The following ROBO2 variants were observed in gnomAD, a reference collection of about 807,000 sequenced individuals.
ROBO2 encodes the protein roundabout homolog 2.
ROBO2 carries 53 observed loss-of-function variants against 160.8 expected under a neutral mutation model. The ratio of observed to expected loss-of-function variants is 0.33; its 90% CI spans 0.26 to 0.41. The LOEUF (loss-of-function observed/expected upper bound fraction) is 0.41. Among genes scored for constraint, ROBO2 ranks in the 10% least tolerant of loss-of-function variants. ROBO2 has a pLI of 1.00. For missense variants in ROBO2, 1,577 were observed against 1,722.4 expected, an observed-to-expected ratio of 0.92 and a Z score of 1.49; for synonymous variants, 664 against 611.7, an observed-to-expected ratio of 1.09 and a Z score of -1.26.
intron 2 of ROBO2, among the ~76,000 whole-genome samples, chr3:76,833,959 T>G (rs1390753375): frequency 1.3e-5 from 2 of 151,762 alleles, no homozygotes; most frequent in African/African-American, 4.8e-5. Flanking sequence ...CTTTTCTTCC[T>G]TCCTTTCTTT....
At position 77,317,077 on chromosome 3, in the gene ROBO2, T is replaced by C; in HGVS notation, c.389-160337T>C. On this transcript the variant is annotated intron_variant, in intron 2 of 25. Transcript: ENST00000461745. ...CACAGTAGTGTGAAGCTGGAATTCA[T>C]CAGTCCTGTAGCCAACTGCAAAGTT... 3.5e-6 allele frequency: 5 copies of C among 1,427,922 alleles called. 1 individual carries two copies. The South Asian group carries it at 4.6e-5, about 13-fold the overall frequency. 88.5% of individuals were successfully genotyped at this position (1,427,922 alleles called of 1,614,324 possible).
chr3:76,335,529 T>C (rs62261449), intron 2 of ROBO2, among the ~76,000 whole-genome samples: 15,658 of 151,988 alleles, frequency 0.1, 882 homozygotes, highest in African/African-American at 0.13. Flanking sequence ...ATTTACATGC[T>C]GGTTTTCATT....
At chr3:76,771,166 G>C (rs1037517502) in intron 2 of ROBO2, among the ~76,000 whole-genome samples, 2 of 151,178 alleles carry the variant, frequency 1.3e-5, no homozygotes, top group Non-Finnish European at 3.0e-5. Context: ...TACAATTTGA[G>C]ATGTGCTATT....
chr3:77,417,732 T>C lies in ROBO2; in HGVS notation c.389-59682T>C, dbSNP rs533295036. Among the ~76,000 whole-genome samples, 34 of 152,252 alleles carry C rather than the reference T, an allele frequency of 2.2e-4. No homozygotes were observed. In the South Asian group the frequency reaches 4.4e-3, roughly 20 times the overall value. On this transcript the variant is annotated intron_variant, in intron 2 of 25. Coordinates refer to ENST00000461745, the Ensembl canonical transcript of ROBO2. ...ATGCTATGATGTTTTCTCATTACAC[T>C]GTCATAGTGTTCTTGTACTCAGCAA...
chr3:75,977,880 A>G (rs1469415511), intron 2 of ROBO2, among the ~76,000 whole-genome samples: 1 of 151,544 alleles, frequency 6.6e-6, no homozygotes, highest in Non-Finnish European at 1.5e-5. Context: ...TTTTGAAAAC[A>G]ATGAGTAAAT....
intron 2 of ROBO2, among the ~76,000 whole-genome samples, chr3:77,107,122 C>T (rs2072911609): frequency 6.6e-6 from 1 of 152,192 alleles, no homozygotes; most frequent in African/African-American, 2.4e-5. Flanking sequence ...GGCCCCACCT[C>T]CTGGTTCATA....
chr3:76,122,573 C>A (rs1434082353), intron 2 of ROBO2, among the ~76,000 whole-genome samples: 1 of 151,944 alleles, frequency 6.6e-6, no homozygotes, highest in African/African-American at 2.4e-5. Flanking sequence ...TAAAAATAAT[C>A]CATGGATACT....
chr3:76,533,478 G>T (rs554211045), intron 2 of ROBO2, among the ~76,000 whole-genome samples: 2 of 152,236 alleles, frequency 1.3e-5, no homozygotes, highest in African/African-American at 4.8e-5. Context: ...CATCATATTA[G>T]AATTTTATTT....
At chr3:77,562,851 C>A in intron 10 of ROBO2, 119 bp downstream of exon 11, 1 of 773,164 alleles carries the variant, frequency 1.3e-6, no homozygotes, top group Non-Finnish European at 2.3e-6. Flanking sequence ...TTAGCCTTTA[C>A]ATTCAATGCC....
intron 2 of ROBO2, among the ~76,000 whole-genome samples, chr3:76,646,916 A>C (rs1179074327): frequency 6.6e-6 from 1 of 152,222 alleles, no homozygotes; most frequent in African/African-American, 2.4e-5. Context: ...CTAGCAATTC[A>C]GTAAGTCATC....
intron 2 of ROBO2, among the ~76,000 whole-genome samples, chr3:76,522,286 A>G (rs1419208156): frequency 6.6e-6 from 1 of 152,158 alleles, no homozygotes; most frequent in Non-Finnish European, 1.5e-5. Context: ...TGTGTATTCA[A>G]GAGCCAAATG....
rs1282317189 is a variant in ROBO2 at position 76,708,034 on chromosome 3, T to C, written c.110-389980T>C. Among the ~76,000 whole-genome samples the C allele has an allele frequency of 4.6e-5, 7 of 152,168 alleles. No individual in the cohort carries two copies. The East Asian group carries it at 5.8e-4, about 13-fold the overall frequency. ...AATGTAAACTGGAATTTGGAATGTATGTGCAAGTAAGCCTACAAGTTTTCA... is the reference window on the plus strand; with the variant it reads ...AATGTAAACTGGAATTTGGAATGTACGTGCAAGTAAGCCTACAAGTTTTCA... On this transcript the variant is annotated intron_variant, in intron 2 of 26. Transcript: ENST00000487694.
At chr3:77,450,023 T>C (rs2080961539) in intron 2 of ROBO2, among the ~76,000 whole-genome samples, 1 of 139,062 alleles carries the variant, frequency 7.2e-6, no homozygotes, top group South Asian at 2.3e-4. Flanking sequence ...GTGTCTCCTG[T>C]AAACACAGAA....
intron 2 of ROBO2, among the ~76,000 whole-genome samples, chr3:76,553,678 T>G (rs2083545190): frequency 6.6e-6 from 1 of 152,202 alleles, no homozygotes; most frequent in African/African-American, 2.4e-5. Context: ...TTGTACAGAA[T>G]TAGTCTGTAC....
chr3:76,212,555 T>G (rs899784936), intron 2 of ROBO2, among the ~76,000 whole-genome samples: 1 of 152,082 alleles, frequency 6.6e-6, no homozygotes, highest in African/African-American at 2.4e-5. Flanking sequence ...TTTGTTAGTT[T>G]GTTTCTAAAT....
intron 2 of ROBO2, among the ~76,000 whole-genome samples, chr3:76,787,701 G>A (rs1376149124): frequency 6.6e-6 from 1 of 151,390 alleles, no homozygotes; most frequent in African/African-American, 2.4e-5. Flanking sequence ...CCAGCCATTA[G>A]CGATCAAGCT....
At chr3:76,147,345 T>C (rs2071950057) in intron 2 of ROBO2, among the ~76,000 whole-genome samples, 1 of 148,188 alleles carries the variant, frequency 6.7e-6, no homozygotes, top group African/African-American at 2.4e-5. Flanking sequence ...CTATATATTG[T>C]TTATAATTTT....
At chr3:77,299,437 G>T (rs540020104) in intron 2 of ROBO2, among the ~76,000 whole-genome samples, 16 of 152,188 alleles carry the variant, frequency 1.1e-4, no homozygotes, top group Non-Finnish European at 2.2e-4. Flanking sequence ...TTGACTCACA[G>T]TTGAACGGGG....
At chr3:75,994,794 G>A (rs2065677126) in intron 2 of ROBO2, among the ~76,000 whole-genome samples, 1 of 152,182 alleles carries the variant, frequency 6.6e-6, no homozygotes, top group Admixed American at 6.5e-5. Flanking sequence ...AAGACAGGAA[G>A]ATATGAGATA....
Sources: allele counts gnomAD v4.1 joint callset (sites outside exome capture counted in the v4.1 genomes callset), GRCh38; gene constraint gnomAD v4.1.1; transcripts MANE v1.5; gene names NCBI Gene and HGNC (gene_info 2026-07-23, HGNC 2026-07-21).